NLRP14: variants seen among roughly 807,000 people sequenced by gnomAD.
The protein encoded by NLRP14 is NLR family pyrin domain containing 14, also known as NACHT, LRR and PYD domains-containing protein 14.
A neutral mutation model predicts 94.7 loss-of-function variants in NLRP14; 105 were observed. The ratio of observed to expected loss-of-function variants is 1.11; its 90% CI spans 0.95 to 1.30. The LOEUF is 1.30. NLRP14 is among the 50% of genes most tolerant of loss of function. The pLI is 0.00. For missense variants in NLRP14, 1,362 were observed against 1,254.1 expected, an observed-to-expected ratio of 1.09 and a Z score of -1.30; for synonymous variants, 508 against 459.9, an observed-to-expected ratio of 1.10 and a Z score of -1.34.
At chr11:7,024,900 G>C (rs1565008666) in intron 1 of NLRP14, among the ~76,000 whole-genome samples, 1 of 151,964 alleles carries the variant, frequency 6.6e-6, no homozygotes, top group African/African-American at 2.4e-5. Context: ...AGAGGAAAAA[G>C]ATAGAGATGG....
chr11:7,032,703 G>A (rs1022358388), intron 1 of NLRP14, among the ~76,000 whole-genome samples: 3 of 151,578 alleles, frequency 2.0e-5, no homozygotes, highest in Non-Finnish European at 1.5e-5. Flanking sequence ...TTAGCCATTT[G>A]CTTTTTGCTT....
At chr11:7,064,999 A>G (rs764321838) in intron 10 of NLRP14, among the ~76,000 whole-genome samples, 2 of 152,092 alleles carry the variant, frequency 1.3e-5, no homozygotes, top group Non-Finnish European at 2.9e-5. Context: ...ATATAGCTCT[A>G]TGATAAGCCC....
intron 8 of NLRP14, among the ~76,000 whole-genome samples, chr11:7,059,561 A>G (rs1056540387): frequency 2.0e-5 from 3 of 151,996 alleles, no homozygotes; most frequent in Admixed American, 2.0e-4. Context: ...AAGAGTACTT[A>G]CTTTATTAAG....
chr11:7,024,556 C>G (rs1589854476), intron 1 of NLRP14, among the ~76,000 whole-genome samples: 1 of 152,136 alleles, frequency 6.6e-6, no homozygotes, highest in East Asian at 1.9e-4. Context: ...AAAGCACAAC[C>G]TTGTGACTGA....
At chr11:7,028,473 T>G (rs1340920623) in intron 1 of NLRP14, among the ~76,000 whole-genome samples, 1 of 152,194 alleles carries the variant, frequency 6.6e-6, no homozygotes, top group African/African-American at 2.4e-5. Context: ...ACTGGTCTGC[T>G]TGCTTCTGCC....
intron 10 of NLRP14, among the ~76,000 whole-genome samples, chr11:7,066,329 T>A (rs1451594554): frequency 2.0e-5 from 3 of 152,230 alleles, no homozygotes; most frequent in African/African-American, 4.8e-5. Context: ...TCACCAACAG[T>A]GTAAAAGTGT....
At chr11:7,049,900 T>C (rs2119648321) in intron 6 of NLRP14, 62 bp downstream of exon 6, 1 of 1,387,188 alleles carries the variant, frequency 7.2e-7, no homozygotes, top group Non-Finnish European at 1.0e-6. Context: ...TCTATCCAAG[T>C]AGACTCTTAC....
chr11:7,039,492 G>A (rs1227650809), intron 2 of NLRP14, among the ~76,000 whole-genome samples: 3 of 152,002 alleles, frequency 2.0e-5, no homozygotes, highest in Non-Finnish European at 4.4e-5. Context: ...CTACAAGGTG[G>A]GGGCCATGGC....
chr11:7,042,274 T>A, intron 3 of NLRP14, 114 bp from the exon 4 acceptor site: 1 of 792,414 alleles, frequency 1.3e-6, no homozygotes, highest in Admixed American at 2.1e-5. Flanking sequence ...TTTCAGCCTA[T>A]GTTCTTTCTT....
At chr11:7,078,119 A>G in the NLRP14 span, among the ~76,000 whole-genome samples, 289 of 152,266 alleles carry the variant, frequency 1.9e-3, 8 homozygotes, top group South Asian at 0.021. Context: ...ATAATTTAAA[A>G]AATAAATTGG....
At chr11:7,079,249 C>T in the NLRP14 span, among the ~76,000 whole-genome samples, 160 of 152,278 alleles carry the variant, frequency 1.1e-3, 1 homozygote, top group Non-Finnish European at 1.5e-3. Context: ...GTTACCTGTT[C>T]CAGTTACTCT....
downstream of NLRP14, among the ~76,000 whole-genome samples, chr11:7,074,705 C>A (rs1852852353): frequency 1.3e-5 from 2 of 152,126 alleles, no homozygotes; most frequent in African/African-American, 4.8e-5. Context: ...AGTCTCAAAT[C>A]ATCAGGATTT....
chr11:7,089,539 G>A, the NLRP14 span: 9 of 1,203,654 alleles, frequency 7.5e-6, 1 homozygote, highest in Middle Eastern at 3.0e-4. Context: ...TTCGACCTGC[G>A]GCCCTCCAGG....
intron 1 of NLRP14, among the ~76,000 whole-genome samples, chr11:7,031,749 C>A (rs1367362967): frequency 6.6e-6 from 1 of 152,136 alleles, no homozygotes; most frequent in Non-Finnish European, 1.5e-5. Context: ...CTGAGTCTTC[C>A]CCTAGCCCCT....
intron 1 of NLRP14, among the ~76,000 whole-genome samples, chr11:7,032,091 A>G (rs1286082986): frequency 1.3e-5 from 2 of 152,272 alleles, no homozygotes; most frequent in East Asian, 1.9e-4. Flanking sequence ...TGGCAAATGG[A>G]TATTGCCTTT....
At chr11:7,072,214 C>A (rs1852811267), downstream of NLRP14, among the ~76,000 whole-genome samples, 1 of 152,174 alleles carries the variant, frequency 6.6e-6, no homozygotes, top group Non-Finnish European at 1.5e-5. Flanking sequence ...ACTTGGGGTC[C>A]CTTGGTGGTA....
At chr11:7,069,449 T>C (rs1426029330) in intron 10 of NLRP14, among the ~76,000 whole-genome samples, 1 of 152,196 alleles carries the variant, frequency 6.6e-6, no homozygotes, top group Non-Finnish European at 1.5e-5. Flanking sequence ...TATACTATTA[T>C]CGGCTTGTGC....
rs1337296937 is a variant in NLRP14, at chr11:7,071,194, T to C, written c.3168T>C (p.Asp1056=). Residue 1056 remains aspartate, a synonymous_variant, in exon 12 of 12, where the codon GAT becomes GAC. Transcript: ENST00000299481. ...TCAGGTTGTGCAAAGAGGCATTTGA[T>C]GAGGAAGCCCAGAAGCTGCTGGAAG... ...QVLGLCKEAF[D]EEAQKLLEAV... The C allele has an allele frequency of 1.2e-6, 2 of 1,613,844 alleles. No individual in the cohort carries two copies. The highest frequency in any genetic ancestry group is 8.5e-7 in the Non-Finnish European group (1 of 1,180,006).
chr11:7,038,060 TTGAG>T (rs1227008017), intron 1 of NLRP14, among the ~76,000 whole-genome samples: 1 of 152,132 alleles, frequency 6.6e-6, no homozygotes, highest in Admixed American at 6.6e-5. Flanking sequence ...CATGTGTTTG[TTGAG>T]TAATAATGTG....
Sources: gnomAD v4.1 joint callset for allele counts (sites outside exome capture counted in the v4.1 genomes callset) on GRCh38, gnomAD v4.1.1 for gene constraint, MANE v1.5 for transcripts, NCBI Gene and HGNC (gene_info 2026-07-23, HGNC 2026-07-21) for gene names.